CYP4Z1: variants seen among roughly 807,000 people sequenced by gnomAD.
CYP4Z1 encodes the protein cytochrome P450 4Z1.
In CYP4Z1, 41 loss-of-function variants were observed where a neutral mutation model predicts 54.2. The ratio of observed to expected loss-of-function variants is 0.76; its 90% confidence interval spans 0.59 to 0.98. CYP4Z1 has a LOEUF of 0.98. CYP4Z1 is among the 50% of genes least tolerant of loss of function. The probability of loss-of-function intolerance (pLI) is 0.00; values close to 1 mark genes in which losing one functional copy is unlikely to be tolerated. For synonymous variants in CYP4Z1, 163 were observed against 206.2 expected (o/e 0.79, Z 1.79); for missense variants, 513 against 599.0 (o/e 0.86, Z 1.50).
rs1569701180 is a variant in CYP4Z1 at position 47,074,047 on chromosome 1, A to G, written c.319+5284A>G. ...TCCAAATTCATGAAGACCCTCCCCT[A>G]TTTTTTCTTCTAAGAGTTTTATAGT... On this transcript the variant is annotated intron_variant, in intron 2 of 11. Transcript: ENST00000334194. Among the ~76,000 whole-genome samples the G allele has an allele frequency of 5.9e-5, 9 of 151,740 alleles. No individual in the cohort carries two copies. In the South Asian group the frequency reaches 1.7e-3, roughly 28 times the overall value.
At chr1:47,096,117 TA>T (rs142634705) in intron 7 of CYP4Z1, among the ~76,000 whole-genome samples, 35 of 151,866 alleles carry the variant, frequency 2.3e-4, no homozygotes, top group Admixed American at 2.1e-3. Flanking sequence ...AATGACTTGT[TA>T]AAAAAAAATT....
rs77569477 is a variant in CYP4Z1 at position 47,082,559 on chromosome 1, C to G, written c.492+98C>G. ...CTGAGTTCCCTCAGAACCATGTTCA[C>G]AGCAGTTTATATGGGGTTATTTGAT... On this transcript the variant is annotated intron_variant, in intron 4 of 11. Transcript: ENST00000334194. 1.3e-5 allele frequency: 19 copies of G among 1,514,642 alleles called. No homozygotes were observed. The African/African-American group carries it at 2.7e-4, about 21-fold the overall frequency. 93.8% of individuals were successfully genotyped at this position (1,514,642 alleles called of 1,614,324 possible).
Position 47,067,525 on chromosome 1 carries a change from A to T in CYP4Z1, c.35A>T (p.His12Leu), listed in dbSNP as rs372321679. ...EPSWLQELMA[H>L]PFLLLILLCM... ...TCCTGGCTTCAGGAACTCATGGCTC[A>T]CCCCTTCTTGCTGCTGATCCTCCTC... The change falls in exon 1 of 12, where the codon CAC (histidine) becomes CTC (leucine). Residue 12 changes from histidine to leucine, a missense_variant. Transcript: ENST00000334194. The T allele has an allele frequency of 6.8e-6, 11 of 1,612,480 alleles. No homozygotes were observed. The African/African-American group carries it at 1.5e-4, about 22-fold the overall frequency.
intron 2 of CYP4Z1, 152 bp downstream of exon 2, chr1:47,068,915 T>G (rs1399706450): frequency 1.9e-6 from 2 of 1,066,660 alleles, no homozygotes; most frequent in Admixed American, 2.8e-5. Context: ...CTCAACATCA[T>G]AGTCAGGACT....
intron 9 of CYP4Z1, among the ~76,000 whole-genome samples, chr1:47,107,047 A>G (rs550856935): frequency 2.0e-5 from 3 of 152,358 alleles, no homozygotes; most frequent in South Asian, 2.1e-4. Flanking sequence ...CTGTGCTACC[A>G]TAGTTGCCCA....
intron 6 of CYP4Z1, among the ~76,000 whole-genome samples, chr1:47,089,085 T>C (rs1644619119): frequency 6.7e-6 from 1 of 149,340 alleles, no homozygotes; most frequent in Admixed American, 6.7e-5. Flanking sequence ...TTAACCGATT[T>C]TTATCCCTTC....
At chr1:47,086,461 T>C (rs1644595545) in intron 6 of CYP4Z1, among the ~76,000 whole-genome samples, 1 of 152,254 alleles carries the variant, frequency 6.6e-6, no homozygotes, top group African/African-American at 2.4e-5. Flanking sequence ...TGAGCATTTT[T>C]TCATGTGTCT....
the CYP4Z1 span, among the ~76,000 whole-genome samples, chr1:47,055,687 A>G: frequency 2.0e-5 from 3 of 151,860 alleles, no homozygotes. Context: ...TTTCTTCTAG[A>G]TTTTCTAGTT....
At chr1:47,111,243 G>A (rs1306289446) in intron 9 of CYP4Z1, among the ~76,000 whole-genome samples, 1 of 151,954 alleles carries the variant, frequency 6.6e-6, no homozygotes, top group Non-Finnish European at 1.5e-5. Context: ...GAGTGCAATG[G>A]TGCAATCTCT....
At chr1:47,072,877 T>C (rs1474873450) in intron 2 of CYP4Z1, among the ~76,000 whole-genome samples, 3 of 151,690 alleles carry the variant, frequency 2.0e-5, no homozygotes, top group Non-Finnish European at 4.4e-5. Context: ...ATAGGGGCTA[T>C]TGCCAAAAAT....
At chr1:47,068,054 G>C (rs1428185116) in intron 1 of CYP4Z1, among the ~76,000 whole-genome samples, 1 of 152,136 alleles carries the variant, frequency 6.6e-6, no homozygotes, top group Non-Finnish European at 1.5e-5. Flanking sequence ...AATGAAGCTG[G>C]AAATAGGAAA....
chr1:47,115,393 A>G (rs1242148063), intron 9 of CYP4Z1, 136 bp from the exon 10 acceptor site: 3 of 710,628 alleles, frequency 4.2e-6, no homozygotes, highest in Non-Finnish European at 7.2e-6. Flanking sequence ...ACATGTATAC[A>G]TATGTAACAA....
chr1:47,083,320 C>A (rs768348911), intron 4 of CYP4Z1, among the ~76,000 whole-genome samples: 29 of 152,186 alleles, frequency 1.9e-4, no homozygotes, highest in Non-Finnish European at 4.0e-4. Context: ...GCCCACGTCC[C>A]ACTCCAAAAT....
At chr1:47,085,355 T>A (rs1050158970) in intron 6 of CYP4Z1, among the ~76,000 whole-genome samples, 12 of 152,156 alleles carry the variant, frequency 7.9e-5, no homozygotes, top group Non-Finnish European at 1.5e-4. Flanking sequence ...CTGCCTACTA[T>A]GCACAGTTCA....
intron 7 of CYP4Z1, chr1:47,097,042 T>G (rs899295001): frequency 2.0e-5 from 3 of 152,144 alleles, no homozygotes; most frequent in Non-Finnish European, 2.9e-5. Context: ...AGCTCCCACT[T>G]ATAAGTGAGA....
chr1:47,061,294 TAAAG>T, the CYP4Z1 span, among the ~76,000 whole-genome samples: 12 of 151,944 alleles, frequency 7.9e-5, no homozygotes, highest in Non-Finnish European at 1.0e-4. Flanking sequence ...GCCACACTAA[TAAAG>T]AAGAAAAGAG....
chr1:47,090,675 TGATTTTCAGCTTAA>T (rs1301086343), intron 6 of CYP4Z1, among the ~76,000 whole-genome samples: 1 of 152,202 alleles, frequency 6.6e-6, no homozygotes, highest in African/African-American at 2.4e-5. Context: ...TTATCTTTCA[TGATTTTCAGCTTAA>T]GATCCTCTGT....
chr1:47,118,011 A>G lies in CYP4Z1; in HGVS notation c.*77A>G. The G allele has an allele frequency of 7.2e-7, 1 of 1,393,852 alleles. No homozygotes were observed. Among genetic ancestry groups the G allele is most frequent in the Non-Finnish European group, 9.8e-7 (1 of 1,019,644 alleles). 86.3% of individuals were successfully genotyped at this position (1,393,852 alleles called of 1,614,324 possible). On this transcript the variant is annotated 3_prime_UTR_variant, in exon 12 of 12. Coordinates refer to ENST00000334194, the MANE Select transcript of CYP4Z1 (RefSeq NM_178134.3). ...AGAACAAAAGGATAAATATAATACA[A>G]AATATATGTATATGGTTGTTTGACA... is the stretch of plus-strand genomic sequence containing the variant.
At chr1:47,112,499 G>A (rs1644798393) in intron 9 of CYP4Z1, among the ~76,000 whole-genome samples, 1 of 134,722 alleles carries the variant, frequency 7.4e-6, no homozygotes, top group Non-Finnish European at 1.6e-5. Flanking sequence ...GTTATTTAAG[G>A]AAGTATCACA....
Sources: gnomAD v4.1 joint callset for allele counts (sites outside exome capture counted in the v4.1 genomes callset) on GRCh38, gnomAD v4.1.1 for gene constraint, MANE v1.5 for transcripts, NCBI Gene and HGNC (gene_info 2026-07-23, HGNC 2026-07-21) for gene names.